The following TMTC1 variants were observed in gnomAD, a reference collection of about 807,000 sequenced individuals.
The protein encoded by TMTC1 is protein O-mannosyl-transferase TMTC1.
TMTC1 carries 73 observed loss-of-function variants against 104.8 expected under a neutral mutation model. That is an observed-to-expected ratio of 0.70 (90% CI 0.58 to 0.85). TMTC1 has a LOEUF of 0.85. Ranked by LOEUF, TMTC1 falls within the 40% of genes least tolerant of loss-of-function variation. The pLI, the probability that TMTC1 is intolerant of heterozygous loss-of-function variation, is 0.00. For synonymous variants in TMTC1, 434 were observed against 428.7 expected (o/e 1.01, Z -0.15); for missense variants, 1,035 against 1,096.1 (o/e 0.94, Z 0.79).
chr12:29,623,806 C>G (rs1444171155), intron 6 of TMTC1, among the ~76,000 whole-genome samples: 1 of 136,090 alleles, frequency 7.3e-6, no homozygotes, highest in East Asian at 2.0e-4. Context: ...GAGCAAGACT[C>G]CGGCTCAAAA....
At chr12:29,776,466 T>C (rs1393968297) in intron 1 of TMTC1, among the ~76,000 whole-genome samples, 1 of 152,250 alleles carries the variant, frequency 6.6e-6, no homozygotes, top group East Asian at 1.9e-4. Context: ...CCAAGCAGAC[T>C]TTTTCTCTAC....
chr12:29,651,864 G>C (rs1287784332), intron 5 of TMTC1, among the ~76,000 whole-genome samples: 1 of 151,456 alleles, frequency 6.6e-6, no homozygotes, highest in Non-Finnish European at 1.5e-5. Context: ...AAAGGAGAGA[G>C]GTAGGGCTAA....
intron 10 of TMTC1, among the ~76,000 whole-genome samples, chr12:29,556,480 C>T (rs1217085628): frequency 6.6e-6 from 1 of 152,196 alleles, no homozygotes; most frequent in East Asian, 1.9e-4. Flanking sequence ...ACAAAAATGA[C>T]TATCCCACAG....
chr12:29,657,833 C>T (rs563201712), intron 5 of TMTC1, among the ~76,000 whole-genome samples: 5 of 152,196 alleles, frequency 3.3e-5, no homozygotes, highest in South Asian at 2.1e-4. Flanking sequence ...AGGCTGGGCA[C>T]GGTGGTTCAC....
Position 29,610,964 on chromosome 12 carries a change from T to C in TMTC1, c.1129-6665A>G, listed in dbSNP as rs537190196. ...GGGAGTAAATTTTTAAAAGGGGAAATGAATGAAGAAATTATACCCCCTCAG... is the reference window on the plus strand; with the variant it reads ...GGGAGTAAATTTTTAAAAGGGGAAACGAATGAAGAAATTATACCCCCTCAG... On this transcript the variant is annotated intron_variant, in intron 6 of 17. Coordinates refer to ENST00000539277, the MANE Select transcript of TMTC1 (RefSeq NM_001193451.2). Among the ~76,000 whole-genome samples, 3 of 152,236 alleles carry C rather than the reference T, an allele frequency of 2.0e-5. 1 individual carries two copies. The East Asian group carries it at 5.8e-4, about 29-fold the overall frequency.
intron 5 of TMTC1, among the ~76,000 whole-genome samples, chr12:29,694,349 A>G (rs1941352054): frequency 1.3e-5 from 2 of 152,150 alleles, no homozygotes; most frequent in African/African-American, 4.8e-5. Context: ...CCCCCTGGGG[A>G]TATCAAAATC....
At chr12:29,779,574 T>C (rs1252283135) in intron 1 of TMTC1, among the ~76,000 whole-genome samples, 6 of 152,250 alleles carry the variant, frequency 3.9e-5, no homozygotes, top group Non-Finnish European at 7.3e-5. Flanking sequence ...ACCACCTTTA[T>C]AGCAAAAAGT....
intron 5 of TMTC1, among the ~76,000 whole-genome samples, chr12:29,696,153 T>C (rs1941418019): frequency 6.6e-6 from 1 of 152,164 alleles, no homozygotes; most frequent in African/African-American, 2.4e-5. Flanking sequence ...TTCGACATTA[T>C]AGCCTTCAGT....
At position 29,556,906 on chromosome 12, in the gene TMTC1, GCT is replaced by G; in HGVS notation, c.1625_1626del (p.Gln542ProfsTer6). On this transcript the variant is annotated frameshift_variant, in exon 10 of 18. Coordinates refer to ENST00000539277, the MANE Select transcript of TMTC1 (RefSeq NM_001193451.2). LOFTEE classifies it high-confidence loss of function. ...EAKMYYQRALQLHPQHNRALF... is the reference protein window; with the variant it reads ...EAKMYYQRALXLHPQHNRALF... ...AGAGCCCGGTTATGCTGTGGATGGA[GCT>G]GGAGAGCCCTCTGATAGTACATCTT... The G allele has an allele frequency of 6.2e-7, 1 of 1,614,096 alleles. No homozygotes were observed. Among genetic ancestry groups the G allele is most frequent in the East Asian group, 2.2e-5 (1 of 44,874 alleles).
rs771865479 is a variant in TMTC1, at chr12:29,536,145, T to G, written c.1785+64A>C. 5 of 1,061,712 alleles carry G rather than the reference T, an allele frequency of 4.7e-6. No homozygotes were observed. In the Admixed American group the frequency reaches 7.3e-5, roughly 15 times the overall value. The allele number at this position is 1,061,712 out of a possible 1,614,324, so 65.8% of individuals were successfully genotyped here. ...AAATTAAATCATTAGTACAAAAATC[T>G]GTGTAACATTAATTTATACATGTAA... On this transcript the variant is annotated intron_variant, in intron 11 of 17. Transcript: ENST00000539277.
chr12:29,704,421 G>A (rs1045562459), intron 5 of TMTC1, among the ~76,000 whole-genome samples: 1 of 152,150 alleles, frequency 6.6e-6, no homozygotes, highest in African/African-American at 2.4e-5. Context: ...TGCATCTTGG[G>A]GGCATAGGCA....
chr12:29,739,653 T>A (rs1942773004), intron 5 of TMTC1, among the ~76,000 whole-genome samples: 1 of 152,162 alleles, frequency 6.6e-6, no homozygotes, highest in Admixed American at 6.5e-5. Flanking sequence ...ACAGAGAGGC[T>A]GTATGAAACT....
At chr12:29,778,261 A>G (rs922206025) in intron 1 of TMTC1, among the ~76,000 whole-genome samples, 1 of 152,226 alleles carries the variant, frequency 6.6e-6, no homozygotes, top group Admixed American at 6.5e-5. Context: ...TAGTTTCCCC[A>G]TCTTTAACAT....
intron 5 of TMTC1, among the ~76,000 whole-genome samples, chr12:29,726,334 T>G (rs572667793): frequency 1.6e-4 from 25 of 152,282 alleles, no homozygotes; most frequent in Non-Finnish European, 2.8e-4. Context: ...CAATAGCAAT[T>G]AACATGAAAG....
intron 6 of TMTC1, 32 bp from the exon 7 acceptor site, chr12:29,604,331 C>T: frequency 6.2e-7 from 1 of 1,612,660 alleles, no homozygotes; most frequent in South Asian, 1.1e-5. Flanking sequence ...GAAACATTAA[C>T]TTCTGTTGAA....
At chr12:29,589,474 T>C (rs1211730338) in intron 7 of TMTC1, among the ~76,000 whole-genome samples, 3 of 152,238 alleles carry the variant, frequency 2.0e-5, no homozygotes, top group Non-Finnish European at 2.9e-5. Context: ...TGTGCTGTCC[T>C]GCTGTAGAGG....
At chr12:29,732,284 T>C (rs1942564533) in intron 5 of TMTC1, among the ~76,000 whole-genome samples, 1 of 151,722 alleles carries the variant, frequency 6.6e-6, no homozygotes, top group African/African-American at 2.4e-5. Flanking sequence ...AGTTACTGAG[T>C]GAGTGGAAAA....
intron 6 of TMTC1, among the ~76,000 whole-genome samples, chr12:29,605,921 A>C (rs771047767): frequency 1.3e-5 from 2 of 151,994 alleles, no homozygotes; most frequent in African/African-American, 4.8e-5. Context: ...GTCTGTGTGT[A>C]CCCAAGGTTT....
chr12:29,502,302 T>G lies in TMTC1; in HGVS notation c.*4544A>C, dbSNP rs3759197. On this transcript the variant is annotated 3_prime_UTR_variant, in exon 18 of 18. Transcript: ENST00000539277. The stretch of plus-strand genomic sequence containing the variant: ...TCCTAATATCCTCTAAATTTATTAT[T>G]TTAAGAAGGTGAATCCACCACAAAT... 9.2e-4 allele frequency: 139 copies of G among 151,598 alleles called. 2 individuals carry two copies. The East Asian group carries it at 0.023, about 25-fold the overall frequency. 9.4% of individuals were successfully genotyped at this position (151,598 alleles called of 1,614,324 possible). A position where few individuals can be genotyped will look rare whatever the true frequency, so the allele number is the denominator to read the frequency against.
Sources: gnomAD v4.1 joint callset for allele counts (sites outside exome capture counted in the v4.1 genomes callset) on GRCh38, gnomAD v4.1.1 for gene constraint, MANE v1.5 for transcripts, NCBI Gene and HGNC (gene_info 2026-07-23, HGNC 2026-07-21) for gene names.